The following CNTN4 variants were observed in gnomAD, a reference collection of about 807,000 sequenced individuals.
CNTN4 encodes contactin-4.
A neutral mutation model predicts 122.5 loss-of-function variants in CNTN4; 77 were observed. The observed-to-expected ratio is 0.63, with a 90% CI of 0.52 to 0.76. The LOEUF is 0.76. Among genes scored for constraint, CNTN4 ranks in the 30% least tolerant of loss-of-function variants. The pLI is 0.00. For missense variants in CNTN4, 1,256 were observed against 1,259.1 expected (o/e 1.00, Z 0.04); for synonymous variants, 512 against 447.0 (o/e 1.15, Z -1.83).
chr3:2,883,969 G>T (rs1219754656), intron 9 of CNTN4, among the ~76,000 whole-genome samples: 2 of 152,170 alleles, frequency 1.3e-5, no homozygotes, highest in African/African-American at 4.8e-5. Flanking sequence ...TCTGAAGTGA[G>T]AATTTTGACA....
intron 4 of CNTN4, among the ~76,000 whole-genome samples, chr3:2,596,107 T>C (rs1198434657): frequency 6.6e-6 from 1 of 152,206 alleles, no homozygotes; most frequent in Non-Finnish European, 1.5e-5. Context: ...AATGAATGAA[T>C]ACATATGCTT....
chr3:2,928,651 T>A (rs1331093141), intron 13 of CNTN4, among the ~76,000 whole-genome samples: 1 of 152,184 alleles, frequency 6.6e-6, no homozygotes, highest in Non-Finnish European at 1.5e-5. Context: ...ATCCCTTAAG[T>A]AAAAAATACT....
At chr3:2,175,775 C>G (rs1481993840) in intron 2 of CNTN4, among the ~76,000 whole-genome samples, 1 of 151,938 alleles carries the variant, frequency 6.6e-6, no homozygotes, top group Non-Finnish European at 1.5e-5. Flanking sequence ...GTCACAACAC[C>G]CTAACCTGAT....
intron 4 of CNTN4, among the ~76,000 whole-genome samples, chr3:2,639,116 A>G (rs977610391): frequency 9.9e-5 from 15 of 152,142 alleles, no homozygotes; most frequent in Admixed American, 9.8e-4. Context: ...AGAACACAAC[A>G]TTCTTTTTTT....
chr3:2,156,423 C>G (rs544815950), intron 2 of CNTN4, among the ~76,000 whole-genome samples: 1 of 152,210 alleles, frequency 6.6e-6, no homozygotes, highest in Non-Finnish European at 1.5e-5. Flanking sequence ...TCAGCAGCGT[C>G]CTCAAGCAGC....
intron 6 of CNTN4, among the ~76,000 whole-genome samples, chr3:2,804,091 A>T (rs75819159): frequency 4.9e-5 from 7 of 144,228 alleles, no homozygotes; most frequent in Admixed American, 1.4e-4. Context: ...ACACACACAC[A>T]CACACACGTA....
chr3:2,216,009 C>G (rs1041118054), intron 2 of CNTN4, among the ~76,000 whole-genome samples: 9 of 151,512 alleles, frequency 5.9e-5, no homozygotes, highest in African/African-American at 2.2e-4. Flanking sequence ...GCAGAACTAC[C>G]ATTTGATCCA....
chr3:3,036,619 T>C (rs1282328721), intron 17 of CNTN4, among the ~76,000 whole-genome samples: 2 of 127,428 alleles, frequency 1.6e-5, no homozygotes, highest in East Asian at 4.5e-4. Context: ...AAAAAAAAAA[T>C]AGACAGGCAT....
intron 3 of CNTN4, among the ~76,000 whole-genome samples, chr3:2,534,819 ATGC>A (rs554324649): frequency 3.4e-5 from 3 of 88,458 alleles, no homozygotes; most frequent in African/African-American, 1.2e-4. Context: ...GGAACAATGT[ATGC>A]TGCTGCTGCT....
intron 14 of CNTN4, among the ~76,000 whole-genome samples, chr3:3,009,882 A>G (rs1697051754): frequency 6.6e-6 from 1 of 152,210 alleles, no homozygotes; most frequent in South Asian, 2.1e-4. Context: ...TCATTGACTA[A>G]GAACTGGGCC....
chr3:2,225,719 C>G (rs1230249346), intron 2 of CNTN4, among the ~76,000 whole-genome samples: 2 of 152,186 alleles, frequency 1.3e-5, no homozygotes, highest in African/African-American at 4.8e-5. Flanking sequence ...CTGTTCACGT[C>G]TGCCTTGACA....
chr3:2,585,329 C>T (rs2080138952), intron 4 of CNTN4, among the ~76,000 whole-genome samples: 1 of 151,072 alleles, frequency 6.6e-6, no homozygotes. Context: ...CCCAGCCATC[C>T]CCTTACTGGG....
chr3:2,216,491 G>A (rs964574243), intron 2 of CNTN4, among the ~76,000 whole-genome samples: 6 of 151,986 alleles, frequency 3.9e-5, no homozygotes, highest in African/African-American at 1.5e-4. Context: ...CGTGACATGA[G>A]TTTACCTATG....
Position 2,548,926 on chromosome 3 carries a change from C to T in CNTN4, c.-88-22490C>T, listed in dbSNP as rs529775795. Among the ~76,000 whole-genome samples the T allele has an allele frequency of 2.0e-5, 3 of 152,090 alleles. No individual in the cohort carries two copies. The South Asian group carries it at 6.2e-4, about 32-fold the overall frequency. ...AAGGTGTATTCCTAGGTATTTTATT[C>T]TCTTCGTAGCCATTGTGAATGGGAG... On this transcript the variant is annotated intron_variant, in intron 3 of 24. Coordinates refer to ENST00000418658, the MANE Select transcript of CNTN4 (RefSeq NM_175607.3).
chr3:2,886,390 C>T lies in CNTN4; in HGVS notation c.756-650C>T, dbSNP rs541228514. ...CCAGCCTGGTGACAGAGTGATACTCCGTCTCAAAATAAAAAAAAATATATT... is the reference window on the plus strand; with the variant it reads ...CCAGCCTGGTGACAGAGTGATACTCTGTCTCAAAATAAAAAAAAATATATT... On this transcript the variant is annotated intron_variant, in intron 9 of 24. Transcript: ENST00000418658. Among the ~76,000 whole-genome samples, 503 of 137,638 alleles carry T rather than the reference C, an allele frequency of 3.7e-3. 3 individuals carry two copies. Among genetic ancestry groups the T allele is most frequent in the African/African-American group, 0.012 (466 of 37,282 alleles). The allele number at this position is 137,638 out of a possible 152,430, so 90.3% of individuals were successfully genotyped here.
chr3:2,715,100 C>G (rs1290801782), intron 4 of CNTN4, among the ~76,000 whole-genome samples: 1 of 152,190 alleles, frequency 6.6e-6, no homozygotes, highest in Middle Eastern at 3.2e-3. Context: ...AGAGCTTTCA[C>G]TTCCCTTTTA....
At chr3:3,028,038 ATCATTAATG>A (rs1258211951) in intron 15 of CNTN4, among the ~76,000 whole-genome samples, 1 of 152,196 alleles carries the variant, frequency 6.6e-6, no homozygotes. Context: ...AGCCACTAGG[ATCATTAATG>A]TCTGTGGAGT....
intron 3 of CNTN4, among the ~76,000 whole-genome samples, chr3:2,341,383 A>G (rs1559469007): frequency 1.3e-5 from 2 of 152,250 alleles, no homozygotes; most frequent in African/African-American, 4.8e-5. Context: ...CAGTGATTGC[A>G]TCTTCTTGTT....
chr3:2,122,729 G>T (rs963514322), intron 2 of CNTN4, among the ~76,000 whole-genome samples: 1 of 152,112 alleles, frequency 6.6e-6, no homozygotes, highest in Non-Finnish European at 1.5e-5. Flanking sequence ...TCAAAACAAG[G>T]TTGTCATAAT....
Sources: gnomAD v4.1 joint callset for allele counts (sites outside exome capture counted in the v4.1 genomes callset) on GRCh38, gnomAD v4.1.1 for gene constraint, MANE v1.5 for transcripts, NCBI Gene and HGNC (gene_info 2026-07-23, HGNC 2026-07-21) for gene names.